OSBP2: variants seen among roughly 807,000 people sequenced by gnomAD.
OSBP2 encodes oxysterol binding protein 2.
Under a neutral mutation model 96.0 loss-of-function variants are expected in OSBP2, and 66 were observed. The ratio of observed to expected loss-of-function variants is 0.69; its 90% CI spans 0.56 to 0.84. The LOEUF is 0.84. Among genes scored for constraint, OSBP2 ranks in the 40% least tolerant of loss-of-function variants. The probability of loss-of-function intolerance (pLI) is 0.00; values close to 1 mark genes in which losing one functional copy is unlikely to be tolerated. For synonymous variants in OSBP2, 525 were observed against 520.9 expected (o/e 1.01, Z -0.11); for missense variants, 1,038 against 1,222.7 (o/e 0.85, Z 2.25).
intron 8 of OSBP2, 131 bp from the exon 9 acceptor site, chr22:30,892,991 C>T (rs568576307): frequency 1.7e-6 from 2 of 1,202,188 alleles, no homozygotes; most frequent in South Asian, 1.5e-5. Flanking sequence ...ACCTGAGGAA[C>T]AGCCAGGACT....
intron 2 of OSBP2, chr22:30,822,586 C>T (rs1259335412): frequency 6.6e-7 from 1 of 1,520,070 alleles, no homozygotes; most frequent in Non-Finnish European, 8.8e-7. Flanking sequence ...CGGGACCCGG[C>T]GCCATGTAGC....
intron 2 of OSBP2, among the ~76,000 whole-genome samples, chr22:30,768,698 A>C (rs780111128): frequency 1.4e-4 from 21 of 152,078 alleles, no homozygotes; most frequent in Non-Finnish European, 2.2e-4. Flanking sequence ...AAACAAAAAC[A>C]AAAACCAAGA....
chr22:30,853,059 G>A (rs1003435336), intron 2 of OSBP2, among the ~76,000 whole-genome samples: 1 of 152,142 alleles, frequency 6.6e-6, no homozygotes, highest in Non-Finnish European at 1.5e-5. Context: ...AATGTTTCAT[G>A]TATTGTTGAA....
At chr22:30,820,721 T>C (rs971974667) in intron 2 of OSBP2, among the ~76,000 whole-genome samples, 1 of 152,238 alleles carries the variant, frequency 6.6e-6, no homozygotes, top group African/African-American at 2.4e-5. Context: ...AGCCTGGTGT[T>C]CTCAACACTC....
At chr22:30,790,881 T>C (rs2090664801) in intron 2 of OSBP2, among the ~76,000 whole-genome samples, 1 of 152,208 alleles carries the variant, frequency 6.6e-6, no homozygotes. Flanking sequence ...AGGATTCATT[T>C]GTTGGTTTTT....
In OSBP2 at chr22:30,857,826, C is replaced by T. The variant is rs748974466; in HGVS notation, c.854-12603C>T. ...TAAGGAGGCCCCCTCATCCCCTATT[C>T]ATTTAAGACACATGAATCTGCCTGT... On this transcript the variant is annotated intron_variant, in intron 2 of 13. Coordinates refer to ENST00000332585, the MANE Select transcript of OSBP2 (RefSeq NM_030758.4). Among the ~76,000 whole-genome samples the T allele has an allele frequency of 2.6e-5, 4 of 152,330 alleles. No homozygotes were observed. In the East Asian group the frequency reaches 7.7e-4, roughly 29 times the overall value.
rs1365997362 is a variant in OSBP2 at position 30,717,107 on chromosome 22, T to A, written c.644+21554T>A. Among the ~76,000 whole-genome samples, 20 of 145,070 alleles carry A rather than the reference T, an allele frequency of 1.4e-4. 1 individual carries two copies. The East Asian group carries it at 4.0e-3, about 29-fold the overall frequency. On this transcript the variant is annotated intron_variant, in intron 1 of 13. Coordinates refer to ENST00000332585, the MANE Select transcript of OSBP2 (RefSeq NM_030758.4). Reference sequence around the variant, plus strand: ...TACTGTTTTTGTGTGTGTGTGTGTGTGTGTGTGTGTGTGTGTGTGTGTGTG... The same window carrying A: ...TACTGTTTTTGTGTGTGTGTGTGTGAGTGTGTGTGTGTGTGTGTGTGTGTG...
intron 3 of OSBP2, among the ~76,000 whole-genome samples, chr22:30,885,007 C>T (rs1377479940): frequency 3.9e-5 from 6 of 152,176 alleles, no homozygotes; most frequent in African/African-American, 7.2e-5. Context: ...TGGTTGTGGC[C>T]TGGGCACCAG....
intron 1 of OSBP2, among the ~76,000 whole-genome samples, chr22:30,721,346 A>G (rs1329542455): frequency 2.6e-5 from 4 of 152,256 alleles, no homozygotes; most frequent in African/African-American, 4.8e-5. Flanking sequence ...ATGGGGGCCC[A>G]GAAGACTAGC....
Position 30,881,995 on chromosome 22 carries a change from G to A in OSBP2, c.1108-5431G>A, listed in dbSNP as rs566668989. 2.6e-5 allele frequency among the ~76,000 whole-genome samples: 4 copies of A among 152,270 alleles called. No homozygotes were observed. The East Asian group carries it at 7.7e-4, about 29-fold the overall frequency. ...CTACGACCTGCATGTGCCCAGCCTA[G>A]GCACATGTACCCAAATGAGGCCCAG... On this transcript the variant is annotated intron_variant, in intron 3 of 13. Transcript: ENST00000332585. This position sits in a 1 kb window ranked among gnomAD's most constrained non-coding sequence, Gnocchi z 4.5.
intron 1 of OSBP2, among the ~76,000 whole-genome samples, chr22:30,727,202 C>G (rs2089665639): frequency 6.6e-6 from 1 of 152,186 alleles, no homozygotes; most frequent in South Asian, 2.1e-4. Flanking sequence ...TTAGGATGAA[C>G]AAGCTGAGCT....
chr22:30,890,340 T>C lies in OSBP2; in HGVS notation c.1624-388T>C, dbSNP rs1450676777. ...CCGGGCCCCATCACAGCTCGCAACA[T>C]GGGGAAGACCCACTTCCTCCACCCA... On this transcript the variant is annotated intron_variant, in intron 7 of 13. Transcript: ENST00000332585. This position sits in a 1 kb window ranked among gnomAD's most constrained non-coding sequence, Gnocchi z 4.4. Among the ~76,000 whole-genome samples, 1 of 151,002 alleles carries C rather than the reference T, an allele frequency of 6.6e-6. No individual in the cohort carries two copies. Among genetic ancestry groups the C allele is most frequent in the Non-Finnish European group, 1.5e-5 (1 of 67,890 alleles).
intron 2 of OSBP2, among the ~76,000 whole-genome samples, chr22:30,800,651 G>A (rs987933974): frequency 6.6e-6 from 1 of 152,138 alleles, no homozygotes; most frequent in African/African-American, 2.4e-5. Context: ...GAGTAGGGCC[G>A]GAGCCGTGGG....
chr22:30,761,200 G>A (rs989886294), intron 2 of OSBP2, among the ~76,000 whole-genome samples: 3 of 152,194 alleles, frequency 2.0e-5, no homozygotes, highest in African/African-American at 7.2e-5. Flanking sequence ...CATGATGGCT[G>A]TGTAGAAAAA....
intron 2 of OSBP2, among the ~76,000 whole-genome samples, chr22:30,823,947 A>C (rs28396530): frequency 6.6e-6 from 1 of 152,192 alleles, no homozygotes; most frequent in Non-Finnish European, 1.5e-5. Flanking sequence ...ATTTATTCCG[A>C]GGGAGAATTT....
At chr22:30,885,729 C>T (rs1439713490) in intron 3 of OSBP2, among the ~76,000 whole-genome samples, 1 of 152,234 alleles carries the variant, frequency 6.6e-6, no homozygotes, top group Non-Finnish European at 1.5e-5. Flanking sequence ...GCAGGGAGGA[C>T]GTGGCCGCAG....
chr22:30,809,067 A>G (rs545673540), intron 2 of OSBP2, among the ~76,000 whole-genome samples: 2 of 152,318 alleles, frequency 1.3e-5, no homozygotes, highest in African/African-American at 4.8e-5. Flanking sequence ...TTATGCTGCC[A>G]CGGCCAAGGA....
At position 30,870,457 on chromosome 22, in the gene OSBP2, C is replaced by T. The variant is rs1170337203; in HGVS notation, c.882C>T (p.Thr294=). 1.2e-6 allele frequency: 2 copies of T among 1,613,980 alleles called. No individual in the cohort carries two copies. Among genetic ancestry groups the T allele is most frequent in the Non-Finnish European group, 1.7e-6 (2 of 1,180,016 alleles). Residue 294 remains threonine (T), a synonymous_variant, in exon 3 of 14, where the codon ACC becomes ACT. Coordinates refer to ENST00000332585, the MANE Select transcript of OSBP2 (RefSeq NM_030758.4). This position sits in a 1 kb window ranked among gnomAD's most constrained non-coding sequence, Gnocchi z 4.1. ...SDDSGDDDEA[T]TPADKSELHH... is the part of the protein sequence containing the mutation. ...ACTCTGGGGACGACGACGAGGCTAC[C>T]ACCCCAGCCGACAAGAGCGAGCTGC...
intron 2 of OSBP2, among the ~76,000 whole-genome samples, chr22:30,808,536 C>G (rs1441015610): frequency 4.6e-5 from 7 of 152,108 alleles, no homozygotes; most frequent in African/African-American, 1.7e-4. Flanking sequence ...TGTTGAAATC[C>G]TAACCCCTTG....
Sources: gnomAD v4.1 joint callset for allele counts (sites outside exome capture counted in the v4.1 genomes callset) on GRCh38, gnomAD v4.1.1 for gene constraint, Gnocchi (gnomAD v3.1) non-coding constraint, MANE v1.5 for transcripts, NCBI Gene and HGNC (gene_info 2026-07-23, HGNC 2026-07-21) for gene names.